Variants in TTC29 observed in about 807,000 individuals in gnomAD.
TTC29 encodes the protein tetratricopeptide repeat domain 29, also known as tetratricopeptide repeat protein 29.
TTC29 carries 49 observed loss-of-function variants against 58.1 expected under a neutral mutation model. That is an observed-to-expected ratio of 0.84 (90% CI 0.67 to 1.07). TTC29 has a LOEUF of 1.07. Ranked by LOEUF, TTC29 falls within the 50% of genes least tolerant of loss-of-function variation. The probability of loss-of-function intolerance (pLI) is 0.00; values close to 1 mark genes in which losing one functional copy is unlikely to be tolerated. For missense variants in TTC29, 582 were observed against 555.6 expected, an observed-to-expected ratio of 1.05 and a Z score of -0.48; for synonymous variants, 209 against 196.8, an observed-to-expected ratio of 1.06 and a Z score of -0.52.
At chr4:146,905,339 T>TAA (rs1181771540) in intron 5 of TTC29, among the ~76,000 whole-genome samples, 3 of 148,596 alleles carry the variant, frequency 2.0e-5, no homozygotes, top group Non-Finnish European at 4.5e-5. Flanking sequence ...TATATATATA[T>TAA]AATTAAAAAT....
At chr4:146,707,313 C>T (rs1742031358) in intron 12 of TTC29, 125 bp from the exon 13 acceptor site, 1 of 794,532 alleles carries the variant, frequency 1.3e-6, no homozygotes, top group Non-Finnish European at 1.9e-6. Flanking sequence ...AATACTTAAC[C>T]TTATGTGACA....
chr4:146,775,578 C>G (rs550789874), intron 11 of TTC29, among the ~76,000 whole-genome samples: 2 of 151,364 alleles, frequency 1.3e-5, no homozygotes, highest in African/African-American at 4.8e-5. Flanking sequence ...TGAATATAGG[C>G]CCCTAATCTC....
At chr4:146,730,294 T>C (rs1314053394) in intron 11 of TTC29, among the ~76,000 whole-genome samples, 1 of 152,106 alleles carries the variant, frequency 6.6e-6, no homozygotes, top group Admixed American at 6.6e-5. Flanking sequence ...TTACCCTAAG[T>C]GATTAACTTG....
chr4:146,767,225 T>C (rs1747395543), intron 11 of TTC29, among the ~76,000 whole-genome samples: 1 of 151,972 alleles, frequency 6.6e-6, no homozygotes, highest in African/African-American at 2.4e-5. Context: ...CTGGTTTTAG[T>C]CCTGGTTCTA....
chr4:146,930,108 T>TATATATAC (rs1553942394), intron 4 of TTC29, among the ~76,000 whole-genome samples: 1 of 131,870 alleles, frequency 7.6e-6, no homozygotes, highest in Non-Finnish European at 1.6e-5. Flanking sequence ...TATATATATA[T>TATATATAC]ATATATATAT....
intron 9 of TTC29, among the ~76,000 whole-genome samples, chr4:146,830,788 T>C (rs1728105738): frequency 7.2e-6 from 1 of 138,332 alleles, no homozygotes; most frequent in South Asian, 2.1e-4. Flanking sequence ...GGTATGTGCA[T>C]GTATGTATGT....
intron 7 of TTC29, among the ~76,000 whole-genome samples, chr4:146,869,702 G>C (rs1730803764): frequency 6.6e-6 from 1 of 152,096 alleles, no homozygotes; most frequent in African/African-American, 2.4e-5. Context: ...CTAATTTTAT[G>C]TGAGTGGAAG....
chr4:146,852,451 A>C (rs1729573814), intron 8 of TTC29, among the ~76,000 whole-genome samples: 1 of 152,198 alleles, frequency 6.6e-6, no homozygotes, highest in Non-Finnish European at 1.5e-5. Context: ...CCACGGGCTG[A>C]CTAGTTAATG....
At chr4:146,943,827 A>C (rs886903846) in intron 2 of TTC29, among the ~76,000 whole-genome samples, 12 of 152,152 alleles carry the variant, frequency 7.9e-5, no homozygotes, top group African/African-American at 2.9e-4. Context: ...TGTTAATATG[A>C]GTTGCATCAT....
intron 11 of TTC29, among the ~76,000 whole-genome samples, chr4:146,728,811 ATATGTG>A (rs1744043048): frequency 7.9e-6 from 1 of 126,294 alleles, no homozygotes; most frequent in Non-Finnish European, 1.7e-5. Flanking sequence ...ATACACATAT[ATATGTG>A]TATATATACA....
At chr4:146,759,416 C>A (rs1389354044) in intron 11 of TTC29, among the ~76,000 whole-genome samples, 3 of 151,924 alleles carry the variant, frequency 2.0e-5, no homozygotes, top group Admixed American at 2.0e-4. Flanking sequence ...AAAGAAGGAA[C>A]CCTCCCTAAT....
rs571544421 is a variant in TTC29, at chr4:146,815,858, G to A, written c.1101+4267C>T. Among the ~76,000 whole-genome samples, 214 of 152,222 alleles carry A rather than the reference G, an allele frequency of 1.4e-3. 3 individuals carry two copies. Among genetic ancestry groups the A allele is most frequent in the East Asian group, 9.7e-4 (5 of 5,180 alleles). ...GAAGGGCAAAAAACACAACTTTTTA[G>A]CCTACCTCCAAACAACACCCAAACC... is the stretch of plus-strand genomic sequence containing the variant. On this transcript the variant is annotated intron_variant, in intron 10 of 12. Transcript: ENST00000325106.
At chr4:146,813,904 A>T (rs972060924) in intron 10 of TTC29, among the ~76,000 whole-genome samples, 2 of 152,212 alleles carry the variant, frequency 1.3e-5, no homozygotes, top group Non-Finnish European at 2.9e-5. Context: ...GAATCACGTG[A>T]ACCCGGGAGG....
At chr4:146,853,434 C>T (rs1310537495) in intron 8 of TTC29, among the ~76,000 whole-genome samples, 1 of 151,978 alleles carries the variant, frequency 6.6e-6, no homozygotes, top group Non-Finnish European at 1.5e-5. Context: ...AATGTTTATT[C>T]ATTTTGTAAT....
intron 11 of TTC29, 65 bp downstream of exon 11, chr4:146,803,392 A>G (rs1750369098): frequency 3.4e-6 from 4 of 1,166,544 alleles, no homozygotes; most frequent in East Asian, 2.6e-5. Context: ...AAACTTTCCA[A>G]TGAAAGTAAA....
At chr4:146,893,617 G>A (rs1161667568) in intron 6 of TTC29, among the ~76,000 whole-genome samples, 1 of 152,164 alleles carries the variant, frequency 6.6e-6, no homozygotes, top group African/African-American at 2.4e-5. Context: ...CAGGACACAG[G>A]CATGGGCAAG....
intron 10 of TTC29, among the ~76,000 whole-genome samples, chr4:146,806,088 T>C (rs1750596753): frequency 1.3e-5 from 2 of 152,102 alleles, no homozygotes; most frequent in South Asian, 4.1e-4. Context: ...TTCAACACTC[T>C]TAAGGAAAAG....
intron 11 of TTC29, among the ~76,000 whole-genome samples, chr4:146,800,653 G>A (rs915894067): frequency 6.6e-6 from 1 of 152,138 alleles, no homozygotes; most frequent in African/African-American, 2.4e-5. Context: ...TCCAAGAAGG[G>A]GGGATACTAC....
At chr4:146,746,982 G>A (rs1745594325) in intron 11 of TTC29, among the ~76,000 whole-genome samples, 1 of 152,118 alleles carries the variant, frequency 6.6e-6, no homozygotes, top group South Asian at 2.1e-4. Context: ...TGGCCACACT[G>A]AGAAGGGAAG....
Sources: allele counts gnomAD v4.1 joint callset (sites outside exome capture counted in the v4.1 genomes callset), GRCh38; gene constraint gnomAD v4.1.1; transcripts MANE v1.5; gene names NCBI Gene and HGNC (gene_info 2026-07-23, HGNC 2026-07-21).